FMN2: variants seen among roughly 807,000 people sequenced by gnomAD.
FMN2 encodes formin-2.
Under a neutral mutation model 142.3 loss-of-function variants are expected in FMN2, and 51 were observed. The observed-to-expected ratio is 0.36, with a 90% confidence interval of 0.29 to 0.45. FMN2 has a LOEUF of 0.45. Ranked by LOEUF, FMN2 falls within the 20% of genes least tolerant of loss-of-function variation. FMN2 has a pLI of 1.00. For synonymous variants in FMN2, 882 were observed against 869.8 expected (o/e 1.01, Z -0.25); for missense variants, 1,936 against 2,122.8 (o/e 0.91, Z 1.73).
intron 2 of FMN2, among the ~76,000 whole-genome samples, chr1:240,153,233 A>G (rs1056412855): frequency 6.6e-6 from 1 of 152,156 alleles, no homozygotes; most frequent in Non-Finnish European, 1.5e-5. Flanking sequence ...AATGCCCAGC[A>G]TAGAACGAGG....
chr1:240,393,684 CAGTT>C (rs777377960), intron 15 of FMN2, among the ~76,000 whole-genome samples: 9 of 152,186 alleles, frequency 5.9e-5, no homozygotes, highest in Non-Finnish European at 8.8e-5. Flanking sequence ...TAGTGCCAAA[CAGTT>C]AGCCAAGTTA....
chr1:240,296,629 T>G (rs908707517), intron 8 of FMN2, among the ~76,000 whole-genome samples: 2 of 151,740 alleles, frequency 1.3e-5, no homozygotes, highest in African/African-American at 4.8e-5. Flanking sequence ...GATCACTCCC[T>G]TGAGGACTGT....
rs56686860 is a variant in FMN2, at chr1:240,271,098, G to GTTTTTTTTTT, written c.4153+13076_4153+13085dup. The stretch of plus-strand genomic sequence containing the variant: ...ACCCCCCTAGGAACTTTCCACGATG[G>GTTTTTTTTTT]TTTTTTTTTTTTTTTTTTTGTGACT... On this transcript the variant is annotated intron_variant, in intron 7 of 17. Transcript: ENST00000319653. Among the ~76,000 whole-genome samples, 647 of 72,156 alleles carry GTTTTTTTTTT rather than the reference G, an allele frequency of 9.0e-3. 96 individuals carry two copies. The highest frequency in any genetic ancestry group is 0.039 in the African/African-American group (591 of 15,032). 47.3% of individuals were successfully genotyped at this position (72,156 alleles called of 152,430 possible). A position where few individuals can be genotyped will look rare whatever the true frequency, so the allele number is the denominator to read the frequency against.
rs1664991594 is a variant in FMN2 at position 240,177,972 on chromosome 1, GACT to G, written c.1836_1838del (p.Tyr613del). The G allele has an allele frequency of 6.2e-7, 1 of 1,611,492 alleles. No homozygotes were observed. Among genetic ancestry groups the G allele is most frequent in the Non-Finnish European group, 8.5e-7 (1 of 1,179,230 alleles). On this transcript the variant is annotated inframe_deletion, in exon 3 of 18. Coordinates refer to ENST00000319653, the MANE Select transcript of FMN2 (RefSeq NM_020066.5). ...AGTTAGTCAACCCACACACTCATTG[GACT>G]ATTCAGAAGGGCAGTTTCCTAGGCG...
intron 13 of FMN2, among the ~76,000 whole-genome samples, chr1:240,346,247 T>G (rs1671903962): frequency 6.6e-6 from 1 of 152,040 alleles, no homozygotes; most frequent in African/African-American, 2.4e-5. Context: ...AAAACTTAAT[T>G]TATAAATTAG....
At position 240,176,825 on chromosome 1, in the gene FMN2, C is replaced by A. The variant is rs572127981; in HGVS notation, c.1783-1096C>A. Among the ~76,000 whole-genome samples the A allele has an allele frequency of 3.4e-4, 52 of 152,300 alleles. No homozygotes were observed. The South Asian group carries it at 1.0e-2, about 29-fold the overall frequency. On this transcript the variant is annotated intron_variant, in intron 2 of 17. Coordinates refer to ENST00000319653, the MANE Select transcript of FMN2 (RefSeq NM_020066.5). ...CTTTCTGATCCAACGCTGAGGCTAACCCCAGGAATCTGAATTCTCAGTTAG... is the reference window on the plus strand; with the variant it reads ...CTTTCTGATCCAACGCTGAGGCTAAACCCAGGAATCTGAATTCTCAGTTAG...
At chr1:240,148,605 TTCTC>T (rs1459451748) in intron 2 of FMN2, among the ~76,000 whole-genome samples, 11 of 152,204 alleles carry the variant, frequency 7.2e-5, no homozygotes, top group Admixed American at 6.5e-4. Flanking sequence ...TACAAGAACT[TTCTC>T]TATTTAATTT....
intron 13 of FMN2, among the ~76,000 whole-genome samples, chr1:240,340,280 G>T (rs1163943635): frequency 6.6e-6 from 1 of 152,102 alleles, no homozygotes; most frequent in Admixed American, 6.5e-5. Context: ...GAGTGAATGG[G>T]TGTTAAACTC....
chr1:240,296,520 G>A (rs1347170949), intron 8 of FMN2, among the ~76,000 whole-genome samples: 2 of 147,070 alleles, frequency 1.4e-5, no homozygotes, highest in Non-Finnish European at 3.0e-5. Context: ...GCTCTTTGGG[G>A]CATGGCCTTA....
At chr1:240,130,054 C>CA (rs1662674141) in intron 2 of FMN2, among the ~76,000 whole-genome samples, 1 of 152,086 alleles carries the variant, frequency 6.6e-6, no homozygotes, top group Admixed American at 6.5e-5. Flanking sequence ...TCTACTTTTG[C>CA]CTTCATTTAG....
At chr1:240,354,406 G>A (rs1437916479) in intron 13 of FMN2, among the ~76,000 whole-genome samples, 2 of 152,154 alleles carry the variant, frequency 1.3e-5, no homozygotes, top group African/African-American at 4.8e-5. Flanking sequence ...CCAATGAAGG[G>A]AGAATAAGGG....
Position 240,474,687 on chromosome 1 carries a change from A to G in FMN2, c.*533A>G, listed in dbSNP as rs1676916811. On this transcript the variant is annotated 3_prime_UTR_variant, in exon 18 of 18. Coordinates refer to ENST00000319653, the MANE Select transcript of FMN2 (RefSeq NM_020066.5). ...TCCCAACTCTTGGGTTGCTCTCCAT[A>G]ACTATGTATTTGTGAAAGAAAATGG... The G allele has an allele frequency of 6.6e-6, 1 of 151,854 alleles. No homozygotes were observed. The highest frequency in any genetic ancestry group is 6.6e-5 in the Admixed American group (1 of 15,064). The allele number at this position is 151,854 out of a possible 1,614,324, so 9.4% of individuals were successfully genotyped here.
chr1:240,148,267 C>G (rs1199618738), intron 2 of FMN2, among the ~76,000 whole-genome samples: 1 of 131,514 alleles, frequency 7.6e-6, no homozygotes, highest in Non-Finnish European at 1.7e-5. Context: ...GACAGAGAGA[C>G]AGAGATAGAC....
intron 6 of FMN2, among the ~76,000 whole-genome samples, chr1:240,249,808 T>C (rs1198910182): frequency 1.3e-5 from 2 of 152,160 alleles, no homozygotes; most frequent in African/African-American, 4.8e-5. Context: ...TACAGAGGTC[T>C]TCTGTCTTCT....
At chr1:240,327,272 T>C (rs1453868905) in intron 8 of FMN2, among the ~76,000 whole-genome samples, 1 of 152,224 alleles carries the variant, frequency 6.6e-6, no homozygotes, top group Non-Finnish European at 1.5e-5. Context: ...GAGGATCAGC[T>C]TCTCTGGCAG....
chr1:240,257,710 CAT>C (rs1341961940), intron 6 of FMN2, among the ~76,000 whole-genome samples: 2 of 152,198 alleles, frequency 1.3e-5, no homozygotes, highest in African/African-American at 4.8e-5. Context: ...GGTTAAAAAA[CAT>C]GTCTTTGAGG....
At chr1:240,157,945 G>A (rs981077992) in intron 2 of FMN2, among the ~76,000 whole-genome samples, 11 of 143,970 alleles carry the variant, frequency 7.6e-5, no homozygotes, top group African/African-American at 2.9e-4. Flanking sequence ...GAAACCAGCT[G>A]AGGCAACATA....
chr1:240,279,297 GATAC>G (rs1669319502), intron 7 of FMN2, among the ~76,000 whole-genome samples: 1 of 152,206 alleles, frequency 6.6e-6, no homozygotes, highest in African/African-American at 2.4e-5. Flanking sequence ...GAAGAGGACA[GATAC>G]ATCTTGCTCA....
intron 4 of FMN2, among the ~76,000 whole-genome samples, chr1:240,203,727 G>A (rs1558357544): frequency 1.3e-5 from 2 of 152,152 alleles, no homozygotes; most frequent in African/African-American, 4.8e-5. Flanking sequence ...CTAGGTGATG[G>A]GTTGATGGGT....
Sources: gnomAD v4.1 joint callset for allele counts (sites outside exome capture counted in the v4.1 genomes callset) on GRCh38, gnomAD v4.1.1 for gene constraint, MANE v1.5 for transcripts, NCBI Gene and HGNC (gene_info 2026-07-23, HGNC 2026-07-21) for gene names.